LRP1B: variants seen among roughly 807,000 people sequenced by gnomAD.
LRP1B encodes low-density lipoprotein receptor-related protein 1B.
A neutral mutation model predicts 556.6 loss-of-function variants in LRP1B; 217 were observed. The ratio of observed to expected loss-of-function variants is 0.39; its 90% CI spans 0.35 to 0.44. The LOEUF (loss-of-function observed/expected upper bound fraction) is 0.44, where lower values mean the gene tolerates loss of function less well. Ranked by LOEUF, LRP1B falls within the 20% of genes least tolerant of loss-of-function variation. LRP1B has a pLI of 1.00. For synonymous variants in LRP1B, 2,047 were observed against 1,865.8 expected, an observed-to-expected ratio of 1.10 and a Z score of -2.50; for missense variants, 5,053 against 5,620.8, an observed-to-expected ratio of 0.90 and a Z score of 3.23.
chr2:141,191,939 G>T (rs781363972), intron 6 of LRP1B, among the ~76,000 whole-genome samples: 6 of 151,806 alleles, frequency 4.0e-5, no homozygotes, highest in Non-Finnish European at 8.8e-5. Flanking sequence ...TGTAATTTCA[G>T]ACAAAAGAGC....
At chr2:141,171,134 G>A (rs1196316049) in intron 7 of LRP1B, among the ~76,000 whole-genome samples, 1 of 151,956 alleles carries the variant, frequency 6.6e-6, no homozygotes, top group African/African-American at 2.4e-5. Flanking sequence ...TTAAAATCTT[G>A]CCTTGGTGTG....
At chr2:141,846,930 A>G (rs1035879954) in intron 1 of LRP1B, among the ~76,000 whole-genome samples, 1 of 151,532 alleles carries the variant, frequency 6.6e-6, no homozygotes, top group Non-Finnish European at 1.5e-5. Context: ...AGAATAAGAC[A>G]AAGATGATTG....
intron 3 of LRP1B, among the ~76,000 whole-genome samples, chr2:141,468,423 C>T (rs1035592132): frequency 8.5e-5 from 13 of 152,126 alleles, no homozygotes; most frequent in African/African-American, 2.2e-4. Context: ...ATCCAATAGA[C>T]ACAGGCTAGG....
chr2:141,305,283 T>C (rs1054176274), intron 3 of LRP1B, among the ~76,000 whole-genome samples: 1 of 152,204 alleles, frequency 6.6e-6, no homozygotes, highest in Non-Finnish European at 1.5e-5. Context: ...TAGTTTTCCT[T>C]GTAGAGGTCT....
chr2:140,485,827 G>A (rs1688442407), intron 58 of LRP1B, among the ~76,000 whole-genome samples: 1 of 142,030 alleles, frequency 7.0e-6, no homozygotes, highest in African/African-American at 2.6e-5. Context: ...TAAAATTTGG[G>A]ACAAAATTCT....
intron 1 of LRP1B, among the ~76,000 whole-genome samples, chr2:142,056,667 T>C (rs1400035872): frequency 6.6e-6 from 1 of 152,122 alleles, no homozygotes; most frequent in African/African-American, 2.4e-5. Flanking sequence ...TCTGATAGAA[T>C]CAAATTTACA....
At chr2:140,865,416 C>T (rs184231066) in intron 27 of LRP1B, among the ~76,000 whole-genome samples, 48 of 151,854 alleles carry the variant, frequency 3.2e-4, no homozygotes, top group African/African-American at 9.2e-4. Context: ...CACCAGAATA[C>T]GGGCTATTAT....
chr2:141,676,809 A>T (rs147661686), intron 2 of LRP1B, among the ~76,000 whole-genome samples: 7 of 152,218 alleles, frequency 4.6e-5, no homozygotes, highest in Admixed American at 6.5e-5. Context: ...TTCTGTACCG[A>T]TGGGATTAAA....
rs552197402 is a variant in LRP1B at position 140,524,626 on chromosome 2, T to C, written c.8026+1218A>G. ...GGAATTCTATGCAGTCATAAAAAAG[T>C]GAAATCATGTCCTTTGCAGTAACAT... On this transcript the variant is annotated intron_variant, in intron 49 of 90. Coordinates refer to ENST00000389484, the MANE Select transcript of LRP1B (RefSeq NM_018557.3). Among the ~76,000 whole-genome samples, 4 of 151,948 alleles carry C rather than the reference T, an allele frequency of 2.6e-5. No individual in the cohort carries two copies. The South Asian group carries it at 8.3e-4, about 32-fold the overall frequency.
intron 9 of LRP1B, 107 bp downstream of exon 9, chr2:141,058,776 A>C: frequency 1.2e-6 from 1 of 855,584 alleles, no homozygotes; most frequent in Admixed American, 3.9e-5. Flanking sequence ...TTGCTGTCAA[A>C]GCAGAGAATT....
intron 41 of LRP1B, among the ~76,000 whole-genome samples, chr2:140,655,905 T>C (rs1684864050): frequency 6.7e-6 from 1 of 149,922 alleles, no homozygotes; most frequent in Non-Finnish European, 1.5e-5. Context: ...ATCCCGCCAC[T>C]GCACTCCAGC....
chr2:141,483,276 T>TA (rs1415208316), intron 2 of LRP1B, among the ~76,000 whole-genome samples: 2 of 151,180 alleles, frequency 1.3e-5, no homozygotes, highest in African/African-American at 4.9e-5. Context: ...TCCATGTCCC[T>TA]ACAAAGGACA....
In LRP1B at chr2:140,444,648, C is replaced by G. The variant is rs1686576989; in HGVS notation, c.10089G>C (p.Gln3363His). The stretch of plus-strand genomic sequence containing the variant: ...GTAGAGCACAGAGTCCAGTCCCACA[C>G]TGAAATCGGCCTGGCTGACATCTAA... Reference protein sequence around the residue: ...PEFRCQPGRFQCGTGLCALPA... With the variant: ...PEFRCQPGRFHCGTGLCALPA... Residue 3363 changes from glutamine to histidine, a missense_variant, in exon 64 of 91, where the codon CAG becomes CAC. By Grantham distance (24) the Gln-to-His change is conservative. Around this residue, in one of 5 missense-constraint regions of LRP1B, gnomAD observed 262 missense variants for 395.1 expected, o/e 0.66. Coordinates refer to ENST00000389484, the MANE Select transcript of LRP1B (RefSeq NM_018557.3). The G allele has an allele frequency of 6.2e-7, 1 of 1,613,866 alleles. No individual in the cohort carries two copies. The highest frequency in any genetic ancestry group is 8.5e-7 in the Non-Finnish European group (1 of 1,179,866).
chr2:141,480,562 A>G (rs1390117958), intron 2 of LRP1B, 29 bp from the exon 3 acceptor site: 1 of 1,612,062 alleles, frequency 6.2e-7, no homozygotes. Context: ...GAACAGAATT[A>G]TGTGTTAGCT....
intron 1 of LRP1B, among the ~76,000 whole-genome samples, chr2:142,129,895 TC>T (rs202165385): frequency 0.019 from 2,960 of 152,168 alleles, 86 homozygotes; most frequent in African/African-American, 0.067. Context: ...ACCTCCTTTC[TC>T]CTCTGCTCCC....
intron 2 of LRP1B, among the ~76,000 whole-genome samples, chr2:141,569,304 AGAG>A (rs1686446807): frequency 2.6e-5 from 4 of 151,042 alleles, no homozygotes. Flanking sequence ...ACTTCACTGA[AGAG>A]GAGGATTTTA....
chr2:141,124,677 A>AAAG (rs538112646), intron 7 of LRP1B, among the ~76,000 whole-genome samples: 3,872 of 151,160 alleles, frequency 0.026, 93 homozygotes, highest in African/African-American at 0.063. Context: ...AAAAAAAAAA[A>AAAG]AAAGAAAAAA....
chr2:140,678,195 C>CA (rs1339840631), intron 41 of LRP1B, among the ~76,000 whole-genome samples: 1 of 151,848 alleles, frequency 6.6e-6, no homozygotes, highest in Non-Finnish European at 1.5e-5. Context: ...CTATAAGAAA[C>CA]AAAAAAGACA....
chr2:141,342,014 G>A (rs1688078007), intron 3 of LRP1B, among the ~76,000 whole-genome samples: 1 of 151,894 alleles, frequency 6.6e-6, no homozygotes, highest in Admixed American at 6.6e-5. Flanking sequence ...GGAGGCCGAG[G>A]CGGGCGGATC....
Sources: allele counts gnomAD v4.1 joint callset (sites outside exome capture counted in the v4.1 genomes callset), GRCh38; gene constraint gnomAD v4.1.1; regional missense constraint gnomAD v4.1.1; transcripts MANE v1.5; gene names NCBI Gene and HGNC (gene_info 2026-07-23, HGNC 2026-07-21).